The following TLCD4 variants were observed in gnomAD, a reference collection of about 807,000 sequenced individuals.
TLCD4 encodes TLC domain-containing protein 4.
TLCD4 carries 7 observed loss-of-function variants against 24.2 expected under a neutral mutation model. That is an observed-to-expected ratio of 0.29 (90% confidence interval 0.16 to 0.54). The LOEUF (loss-of-function observed/expected upper bound fraction) is 0.54. Among genes scored for constraint, TLCD4 ranks in the 20% least tolerant of loss-of-function variants. The pLI is 0.95. For missense variants in TLCD4, 259 were observed against 313.9 expected, an observed-to-expected ratio of 0.82 and a Z score of 1.32; for synonymous variants, 103 against 106.4, an observed-to-expected ratio of 0.97 and a Z score of 0.20.
At chr1:95,097,930 C>T in the TLCD4 span, among the ~76,000 whole-genome samples, 1 of 152,196 alleles carries the variant, frequency 6.6e-6, no homozygotes, top group Non-Finnish European at 1.5e-5. Context: ...TTCTAAACAA[C>T]CTAAGCAAAA....
intron 5 of TLCD4, among the ~76,000 whole-genome samples, chr1:95,168,976 A>G (rs1206900070): frequency 6.6e-6 from 1 of 152,224 alleles, no homozygotes; most frequent in Non-Finnish European, 1.5e-5. Context: ...ACTTTTCTAG[A>G]GGAATGTAGC....
intron 2 of TLCD4, among the ~76,000 whole-genome samples, 161 bp downstream of exon 2, chr1:95,144,217 A>T (rs1435257212): frequency 6.6e-6 from 1 of 152,236 alleles, no homozygotes; most frequent in East Asian, 1.9e-4. Context: ...TCTCATGCAA[A>T]AAAAAGTTTA....
chr1:95,125,289 T>G (rs926216764), intron 1 of TLCD4, among the ~76,000 whole-genome samples: 1 of 152,220 alleles, frequency 6.6e-6, no homozygotes, highest in African/African-American at 2.4e-5. Context: ...ATCTGATTCG[T>G]TTTGCACATC....
intron 6 of TLCD4, among the ~76,000 whole-genome samples, chr1:95,188,873 C>T (rs1678925391): frequency 6.6e-6 from 1 of 152,106 alleles, no homozygotes; most frequent in Non-Finnish European, 1.5e-5. Context: ...TATTAGAAGC[C>T]AACACGTGGA....
At chr1:95,104,220 C>G in the TLCD4 span, among the ~76,000 whole-genome samples, 192 of 152,282 alleles carry the variant, frequency 1.3e-3, no homozygotes, top group African/African-American at 4.3e-3. Context: ...TAAGCGAGTT[C>G]CTTGACAAGC....
chr1:95,160,938 A>G (rs149574002), intron 5 of TLCD4, among the ~76,000 whole-genome samples: 1 of 152,066 alleles, frequency 6.6e-6, no homozygotes, highest in Non-Finnish European at 1.5e-5. Flanking sequence ...ATCAATGTTC[A>G]TGAAGGATAT....
chr1:95,195,025 G>A lies in TLCD4; in HGVS notation c.*3157G>A. 6.6e-6 allele frequency: 1 copy of A among 152,140 alleles called. No homozygotes were observed. Among genetic ancestry groups the A allele is most frequent in the African/African-American group, 2.4e-5 (1 of 41,422 alleles). 9.4% of individuals were successfully genotyped at this position (152,140 alleles called of 1,614,324 possible). A position where few individuals can be genotyped will look rare whatever the true frequency, so the allele number is the denominator to read the frequency against. On this transcript the variant is annotated 3_prime_UTR_variant, in exon 7 of 7. Coordinates refer to ENST00000370203, the MANE Select transcript of TLCD4 (RefSeq NM_152487.3). ...ATTTATGTTGTTACCACCCCTAAGA[G>A]TGACTCTGATATATTATGGATGACC...
the TLCD4 span, among the ~76,000 whole-genome samples, chr1:95,101,451 T>A: frequency 7.1e-5 from 10 of 139,962 alleles, no homozygotes; most frequent in African/African-American, 2.4e-4. Context: ...GTGTGTGTAT[T>A]TTGTAGAGAT....
chr1:95,109,946 T>TAC, the TLCD4 span, among the ~76,000 whole-genome samples: 10 of 122,886 alleles, frequency 8.1e-5, no homozygotes, highest in Non-Finnish European at 1.7e-4. Context: ...TATATATATA[T>TAC]ATATATATAT....
chr1:95,117,602 C>T lies in TLCD4; in HGVS notation c.-27C>T, dbSNP rs1361200577. On this transcript the variant is annotated 5_prime_UTR_variant, in exon 1 of 7. Coordinates refer to ENST00000370203, the MANE Select transcript of TLCD4 (RefSeq NM_152487.3). ...AGCCGCCGCCCGCGCGCGACTCGCC[C>T]CGGGACCCGGCACAGGTGACGCCGT... The T allele has an allele frequency of 6.5e-6, 1 of 153,516 alleles. No individual in the cohort carries two copies. The highest frequency in any genetic ancestry group is 2.4e-5 in the African/African-American group (1 of 41,430). 9.5% of individuals were successfully genotyped at this position (153,516 alleles called of 1,614,324 possible).
intron 5 of TLCD4, chr1:95,163,720 C>G (rs1182105167): frequency 6.6e-6 from 1 of 152,332 alleles, no homozygotes; most frequent in Non-Finnish European, 1.5e-5. Context: ...AGTTTTCCTT[C>G]TAACAGGACC....
chr1:95,175,100 A>G (rs1018160062), intron 6 of TLCD4, among the ~76,000 whole-genome samples: 11 of 152,178 alleles, frequency 7.2e-5, no homozygotes, highest in African/African-American at 2.4e-4. Flanking sequence ...TTAAGAATAC[A>G]GTTCAGTTGT....
intron 5 of TLCD4, among the ~76,000 whole-genome samples, chr1:95,159,242 A>G (rs1677714712): frequency 6.6e-6 from 1 of 152,056 alleles, no homozygotes; most frequent in South Asian, 2.1e-4. Context: ...TTTGATTTGC[A>G]TTTCTCTGAT....
intron 6 of TLCD4, among the ~76,000 whole-genome samples, chr1:95,176,490 C>G (rs1473200361): frequency 6.6e-6 from 1 of 152,166 alleles, no homozygotes; most frequent in Admixed American, 6.5e-5. Flanking sequence ...TGAGCCAAGC[C>G]CTTTGCCCAT....
At chr1:95,180,366 A>G (rs906111964) in intron 6 of TLCD4, among the ~76,000 whole-genome samples, 5 of 152,382 alleles carry the variant, frequency 3.3e-5, no homozygotes, top group African/African-American at 9.6e-5. Context: ...CTTCCTGTTA[A>G]GAAAATGAGA....
At chr1:95,136,540 A>G (rs1466511593) in intron 1 of TLCD4, among the ~76,000 whole-genome samples, 1 of 152,246 alleles carries the variant, frequency 6.6e-6, no homozygotes, top group Non-Finnish European at 1.5e-5. Context: ...TTGCTAAAAC[A>G]GGACCAAAAA....
chr1:95,189,254 C>T (rs1276665771), intron 6 of TLCD4, among the ~76,000 whole-genome samples: 1 of 152,054 alleles, frequency 6.6e-6, no homozygotes. Context: ...TTTCTTTTGC[C>T]TTTGTCTTAT....
At chr1:95,113,603 G>A (rs1448337858), upstream of TLCD4, among the ~76,000 whole-genome samples, 1 of 152,146 alleles carries the variant, frequency 6.6e-6, no homozygotes, top group East Asian at 1.9e-4. Context: ...GGCACTCATT[G>A]ATGTTTTTTG....
intron 1 of TLCD4, among the ~76,000 whole-genome samples, chr1:95,136,676 T>TGA (rs1256426403): frequency 1.3e-5 from 2 of 152,236 alleles, no homozygotes; most frequent in East Asian, 3.8e-4. Flanking sequence ...GCCACTTTTT[T>TGA]TGGTATTTTT....
Sources: gnomAD v4.1 joint callset for allele counts (sites outside exome capture counted in the v4.1 genomes callset) on GRCh38, gnomAD v4.1.1 for gene constraint, MANE v1.5 for transcripts, NCBI Gene and HGNC (gene_info 2026-07-23, HGNC 2026-07-21) for gene names.